GLDC: variants seen among roughly 807,000 people sequenced by gnomAD.
GLDC encodes glycine decarboxylase, also known as glycine dehydrogenase (decarboxylating), mitochondrial.
Under a neutral mutation model 121.3 loss-of-function variants are expected in GLDC, and 104 were observed. The observed-to-expected ratio is 0.86, with a 90% CI of 0.73 to 1.01. The LOEUF (loss-of-function observed/expected upper bound fraction) is 1.01. Among genes scored for constraint, GLDC ranks in the 50% least tolerant of loss-of-function variants. The pLI, the probability that GLDC is intolerant of heterozygous loss-of-function variation, is 0.00. For synonymous variants in GLDC, 546 were observed against 480.6 expected (o/e 1.14, Z -1.78); for missense variants, 1,429 against 1,306.6 (o/e 1.09, Z -1.44).
At chr9:6,640,106 T>C (rs1030367449) in intron 2 of GLDC, among the ~76,000 whole-genome samples, 21 of 152,172 alleles carry the variant, frequency 1.4e-4, no homozygotes, top group Non-Finnish European at 2.2e-4. Flanking sequence ...AAGGCTTCCC[T>C]TTTTTCCACA....
chr9:6,587,888 G>GT (rs1474093738), intron 14 of GLDC, among the ~76,000 whole-genome samples: 3 of 151,822 alleles, frequency 2.0e-5, no homozygotes, highest in African/African-American at 7.3e-5. Flanking sequence ...CAGAATAAAC[G>GT]TAAGAAATGA....
chr9:6,562,792 C>T (rs538479562), intron 16 of GLDC, among the ~76,000 whole-genome samples: 3 of 151,966 alleles, frequency 2.0e-5, no homozygotes, highest in African/African-American at 4.8e-5. Flanking sequence ...AACTCCTGAC[C>T]TTAGGTGATC....
At chr9:6,540,446 G>T (rs1293630970) in intron 21 of GLDC, 3 of 392,716 alleles carry the variant, frequency 7.6e-6, no homozygotes, top group Non-Finnish European at 1.4e-5. Flanking sequence ...GACCGGAGGT[G>T]TCTGGGGATG....
In GLDC at chr9:6,560,805, T is replaced by C. The variant is rs753468324; in HGVS notation, c.1927-2121A>G. Reference sequence around the variant, plus strand: ...TCCTCGGAACCTGTGGGTGTTTCCTTATATGGCAAGGGGGACTTGCAGATG... The same window carrying C: ...TCCTCGGAACCTGTGGGTGTTTCCTCATATGGCAAGGGGGACTTGCAGATG... On this transcript the variant is annotated intron_variant, in intron 16 of 24. Coordinates refer to ENST00000321612, the MANE Select transcript of GLDC (RefSeq NM_000170.3). Among the ~76,000 whole-genome samples the C allele has an allele frequency of 9.9e-5, 15 of 152,190 alleles. No homozygotes were observed. The South Asian group carries it at 1.0e-3, about 10-fold the overall frequency.
At chr9:6,632,721 C>T (rs907767642) in intron 2 of GLDC, among the ~76,000 whole-genome samples, 3 of 152,210 alleles carry the variant, frequency 2.0e-5, no homozygotes, top group African/African-American at 7.2e-5. Context: ...TGAGGCGGGT[C>T]ACTGAGCTTG....
At chr9:6,552,357 C>T (rs1038171092) in intron 20 of GLDC, among the ~76,000 whole-genome samples, 1 of 152,126 alleles carries the variant, frequency 6.6e-6, no homozygotes, top group Non-Finnish European at 1.5e-5. Context: ...ATACAAATAA[C>T]CCAGATTTAC....
chr9:6,630,844 T>C (rs1464394359), intron 2 of GLDC, among the ~76,000 whole-genome samples: 2 of 152,204 alleles, frequency 1.3e-5, no homozygotes, highest in Non-Finnish European at 2.9e-5. Context: ...CAGTCATTTA[T>C]AGCACTCCTT....
rs1457809070 is a variant in GLDC at position 6,645,419 on chromosome 9, C to A, written c.81G>T (p.Gly27=). The change falls in exon 1 of 25, where the codon GGG becomes GGT. Residue 27 remains glycine (G), a synonymous_variant. Transcript: ENST00000321612. ...CCCGGCTCCGCGGCGCCCAGCACGGCCCCGATCCCCCAGCCAGGCGGCGGC... is the reference window on the plus strand; with the variant it reads ...CCCGGCTCCGCGGCGCCCAGCACGGACCCGATCCCCCAGCCAGGCGGCGGC... ...GGGRRLAGGS[G]PCWAPRSRDS... The A allele has an allele frequency of 6.0e-6, 8 of 1,339,068 alleles. No homozygotes were observed. The highest frequency in any genetic ancestry group is 1.5e-5 in the African/African-American group (1 of 65,632). The allele number at this position is 1,339,068 out of a possible 1,614,324, so 82.9% of individuals were successfully genotyped here. A position where few individuals can be genotyped will look rare whatever the true frequency, so the allele number is the denominator to read the frequency against.
At chr9:6,644,554 C>G in intron 2 of GLDC, 60 bp downstream of exon 2, 1 of 1,165,972 alleles carries the variant, frequency 8.6e-7, no homozygotes, top group South Asian at 1.2e-5. Flanking sequence ...TTTCAGGGAA[C>G]CACAAAAGAC....
At chr9:6,637,463 G>C (rs959945253) in intron 2 of GLDC, among the ~76,000 whole-genome samples, 1 of 151,184 alleles carries the variant, frequency 6.6e-6, no homozygotes, top group African/African-American at 2.4e-5. Flanking sequence ...GTTTTGTCTT[G>C]TTTTTTGAGA....
In GLDC at chr9:6,611,895, T is replaced by C. The variant is rs1277000057; in HGVS notation, c.471-1539A>G. The stretch of plus-strand genomic sequence containing the variant: ...TTCCAAGTAAAATGAAAGTTTTTTA[T>C]TACCCAAGCAATCTAAGCACTTGGC... On this transcript the variant is annotated intron_variant, in intron 3 of 24. Transcript: ENST00000321612. Among the ~76,000 whole-genome samples the C allele has an allele frequency of 2.6e-5, 4 of 152,212 alleles. No individual in the cohort carries two copies. The East Asian group carries it at 7.7e-4, about 29-fold the overall frequency.
chr9:6,561,223 C>T (rs753540547), intron 16 of GLDC, among the ~76,000 whole-genome samples: 6 of 152,120 alleles, frequency 3.9e-5, no homozygotes, highest in Admixed American at 1.3e-4. Context: ...GTACAAGGAG[C>T]GATGGAAAGA....
intron 3 of GLDC, 61 bp from the exon 4 acceptor site, chr9:6,610,417 G>A (rs1818828334): frequency 3.2e-6 from 5 of 1,541,644 alleles, no homozygotes; most frequent in African/African-American, 2.7e-5. Flanking sequence ...CACACAAAAT[G>A]CTATCATTTC....
intron 16 of GLDC, among the ~76,000 whole-genome samples, chr9:6,560,850 T>C (rs1299812236): frequency 1.2e-4 from 18 of 152,106 alleles, no homozygotes; most frequent in African/African-American, 4.1e-4. Flanking sequence ...TAAAGAAAGA[T>C]CTTGAGATGG....
intron 2 of GLDC, among the ~76,000 whole-genome samples, chr9:6,634,924 C>T (rs544534029): frequency 1.3e-3 from 192 of 152,296 alleles, no homozygotes; most frequent in African/African-American, 4.5e-3. Context: ...TCCTGTCTAC[C>T]CATTACTTAG....
intron 11 of GLDC, 56 bp downstream of exon 11, chr9:6,592,087 T>A (rs1316025911): frequency 1.8e-6 from 2 of 1,085,806 alleles, no homozygotes; most frequent in South Asian, 2.5e-5. Context: ...GATAAGCTAC[T>A]TTTGCTACCA....
At chr9:6,583,106 A>G (rs558897859) in intron 15 of GLDC, among the ~76,000 whole-genome samples, 8 of 152,310 alleles carry the variant, frequency 5.3e-5, no homozygotes, top group African/African-American at 1.9e-4. Context: ...ACCCTTGTGC[A>G]CTGCTGGTGG....
intron 21 of GLDC, among the ~76,000 whole-genome samples, chr9:6,549,591 C>G (rs1367313555): frequency 1.3e-5 from 2 of 152,140 alleles, no homozygotes; most frequent in African/African-American, 4.8e-5. Context: ...AATATTCTTT[C>G]CTGGGGCCTC....
rs2118654 is a variant in GLDC at position 6,621,464 on chromosome 9, T to C, written c.335-1145A>G. Among the ~76,000 whole-genome samples, 1,232 of 152,292 alleles carry C rather than the reference T, an allele frequency of 8.1e-3. 43 individuals carry two copies. Among genetic ancestry groups the C allele is most frequent in the South Asian group, 0.058 (280 of 4,824 alleles). On this transcript the variant is annotated intron_variant, in intron 2 of 24. Transcript: ENST00000321612. The stretch of plus-strand genomic sequence containing the variant: ...GGATTACTAATCCAATCTCACACTT[T>C]AACTCACTGGACTAAGTTGAGAGCT...
Sources: allele counts gnomAD v4.1 joint callset (sites outside exome capture counted in the v4.1 genomes callset), GRCh38; gene constraint gnomAD v4.1.1; transcripts MANE v1.5; gene names NCBI Gene and HGNC (gene_info 2026-07-23, HGNC 2026-07-21).